The following LAP3 variants were observed in gnomAD, a reference collection of about 807,000 sequenced individuals.
LAP3 encodes cytosol aminopeptidase.
A neutral mutation model predicts 58.8 loss-of-function variants in LAP3; 46 were observed. The observed-to-expected ratio is 0.78, with a 90% CI of 0.62 to 1.00. The LOEUF (loss-of-function observed/expected upper bound fraction) is 1.00. Ranked by LOEUF, LAP3 falls within the 50% of genes least tolerant of loss-of-function variation. The pLI is 0.00. For missense variants in LAP3, 615 were observed against 659.1 expected (o/e 0.93, Z 0.73); for synonymous variants, 257 against 237.7 (o/e 1.08, Z -0.75).
chr4:17,579,839 A>G lies in LAP3; in HGVS notation c.118A>G (p.Ile40Val). 2 of 1,606,442 alleles carry G rather than the reference A, an allele frequency of 1.2e-6. No homozygotes were observed. The highest frequency in any genetic ancestry group is 1.7e-5 in the Admixed American group (1 of 59,498). Residue 40 changes from isoleucine (I) to valine (V), a missense_variant, in exon 2 of 13, where the codon ATC (isoleucine) becomes GTC (valine). Coordinates refer to ENST00000226299, the MANE Select transcript of LAP3 (RefSeq NM_015907.3). The stretch of plus-strand genomic sequence containing the variant: ...TTATTCCCAGGGCCTTGTTTTAGGA[A>G]TCTATTCCAAAGAAAAAGAAGATGA... ...ADMTKGLVLG[I>V]YSKEKEDDVP...
chr4:17,588,914 A>G lies in LAP3; in HGVS notation c.800A>G (p.Lys267Arg), dbSNP rs1713602092. The G allele has an allele frequency of 1.2e-6, 2 of 1,614,140 alleles. No homozygotes were observed. The highest frequency in any genetic ancestry group is 1.7e-6 in the Non-Finnish European group (2 of 1,180,044). Reference protein sequence around the residue: ...EPPVFLEIHYKGSPNANEPPL... With the variant: ...EPPVFLEIHYRGSPNANEPPL... ...CCAGTCTTCTTGGAAATTCACTACA[A>G]AGGCAGCCCCAATGCAAACGAACCA... is the stretch of plus-strand genomic sequence containing the variant. Residue 267 changes from lysine (K) to arginine (R), a missense_variant, in exon 7 of 13, where the codon AAA becomes AGA. Lys to Arg is a conservative substitution (Grantham distance 26, BLOSUM62 2). Transcript: ENST00000226299.
intron 6 of LAP3, among the ~76,000 whole-genome samples, chr4:17,587,225 A>G (rs968372782): frequency 1.3e-5 from 2 of 152,214 alleles, no homozygotes; most frequent in Admixed American, 1.3e-4. Flanking sequence ...CAAAGGGAAA[A>G]GAGTTCAGCA....
rs886796255 is a variant in LAP3 at position 17,577,538 on chromosome 4, C to G, written c.73C>G (p.Arg25Gly). The G allele has an allele frequency of 1.5e-5, 23 of 1,573,390 alleles. No homozygotes were observed. The highest frequency in any genetic ancestry group is 4.2e-4 in the Middle Eastern group (2 of 4,782). Reference protein sequence around the residue: ...RRLAVRRFGSRSLSTADMTKG... With the variant: ...RRLAVRRFGSGSLSTADMTKG... ...TCTGGCCGTGAGACGTTTCGGGAGC[C>G]GGAGTCTCTCCACCGCAGACATGAC... The change falls in exon 1 of 13, where the codon CGG becomes GGG. Residue 25 changes from arginine (R) to glycine (G), a missense_variant. Transcript: ENST00000226299.
chr4:17,605,959 AT>A (rs1024356107), intron 11 of LAP3, among the ~76,000 whole-genome samples: 1 of 152,010 alleles, frequency 6.6e-6, no homozygotes, highest in Non-Finnish European at 1.5e-5. Flanking sequence ...CTGCTTCTTG[AT>A]TTTTCACTTT....
chr4:17,605,033 G>T (rs571735645), intron 11 of LAP3, among the ~76,000 whole-genome samples: 1 of 151,958 alleles, frequency 6.6e-6, no homozygotes, highest in African/African-American at 2.4e-5. Context: ...ACCCTGCATC[G>T]ATGAGGATGT....
At position 17,607,585 on chromosome 4, in the gene LAP3, C is replaced by T; in HGVS notation, c.1556C>T (p.Ala519Val). Residue 519 changes from alanine (A) to valine (V), a missense_variant, in exon 13 of 13, where the codon GCT becomes GTT. Transcript: ENST00000226299. The stretch of plus-strand genomic sequence containing the variant: ...TTACTTCGTTTCAGTCAAGACAATG[C>T]TTAGTTCAGATACTCAAAAATGTCT... ...EFLLRFSQDN[A>V] 1 of 1,608,674 alleles carries T rather than the reference C, an allele frequency of 6.2e-7. No homozygotes were observed. Among genetic ancestry groups the T allele is most frequent in the Non-Finnish European group, 8.5e-7 (1 of 1,178,008 alleles).
chr4:17,588,706 T>A (rs1225930357), intron 6 of LAP3, 113 bp from the exon 7 acceptor site: 2 of 963,748 alleles, frequency 2.1e-6, no homozygotes, highest in Non-Finnish European at 3.0e-6. Context: ...TTAATGTGCG[T>A]ATACTTTAAG....
intron 9 of LAP3, among the ~76,000 whole-genome samples, chr4:17,597,797 G>A (rs977301012): frequency 1.3e-5 from 2 of 152,136 alleles, no homozygotes; most frequent in Admixed American, 6.5e-5. Flanking sequence ...AGGTGTTGAG[G>A]TAGAACATAC....
intron 2 of LAP3, 98 bp from the exon 3 acceptor site, chr4:17,581,658 CAGTT>C: frequency 1.3e-6 from 1 of 758,612 alleles, no homozygotes; most frequent in East Asian, 2.6e-5. Context: ...ACCATGGAAG[CAGTT>C]AGCAGAATAG....
At chr4:17,580,978 G>C (rs1713347512) in intron 2 of LAP3, among the ~76,000 whole-genome samples, 1 of 152,156 alleles carries the variant, frequency 6.6e-6, no homozygotes, top group Non-Finnish European at 1.5e-5. Flanking sequence ...TTTTTTATCA[G>C]TTCTTGTAGT....
chr4:17,604,602 G>T lies in LAP3; in HGVS notation c.1195G>T (p.Ala399Ser). The change falls in exon 11 of 13, where the codon GCT becomes TCT. Residue 399 changes from alanine (A) to serine (S), a missense_variant. Ala to Ser is a moderately conservative substitution (Grantham distance 99, BLOSUM62 1). Transcript: ENST00000226299. ...AATLTGAMDV[A>S]LGSGATGVFT... ...GTGTCTTACAGGTGCCATGGATGTAGCTTTGGGATCAGGTGCCACTGGGGT... is the reference window on the plus strand; with the variant it reads ...GTGTCTTACAGGTGCCATGGATGTATCTTTGGGATCAGGTGCCACTGGGGT... 6.2e-7 allele frequency: 1 copy of T among 1,614,064 alleles called. No homozygotes were observed. Among genetic ancestry groups the T allele is most frequent in the Non-Finnish European group, 8.5e-7 (1 of 1,179,940 alleles).
chr4:17,595,607 TATG>T (rs1254688173), intron 8 of LAP3, 73 bp downstream of exon 8: 1 of 1,482,086 alleles, frequency 6.7e-7, no homozygotes, highest in East Asian at 2.3e-5. Context: ...AGACAACAGA[TATG>T]ATTTCCCCTA....
intron 1 of LAP3, among the ~76,000 whole-genome samples, chr4:17,578,371 C>T (rs114838597): frequency 0.016 from 2,361 of 152,254 alleles, 34 homozygotes; most frequent in Non-Finnish European, 0.025. Context: ...TCCATTGATT[C>T]CCGGGGAGTG....
chr4:17,594,778 C>G (rs550048623), intron 7 of LAP3, among the ~76,000 whole-genome samples: 2 of 152,166 alleles, frequency 1.3e-5, no homozygotes, highest in Non-Finnish European at 2.9e-5. Context: ...TCTGTCCTGT[C>G]GGTTTCAGAG....
At chr4:17,602,396 T>C (rs753836451) in intron 10 of LAP3, among the ~76,000 whole-genome samples, 4 of 152,216 alleles carry the variant, frequency 2.6e-5, no homozygotes, top group Non-Finnish European at 4.4e-5. Flanking sequence ...TACCTGATTG[T>C]CTCTTCTCAA....
At chr4:17,580,426 C>G (rs1713328849) in intron 2 of LAP3, among the ~76,000 whole-genome samples, 2 of 151,202 alleles carry the variant, frequency 1.3e-5, no homozygotes, top group Non-Finnish European at 2.9e-5. Flanking sequence ...TTGGTACTTT[C>G]TGTTTCAGTA....
In LAP3 at chr4:17,590,330, G is replaced by A. The variant is rs1006565311; in HGVS notation, c.863+1353G>A. ...TGCCCTTTCTGGAATGCTTCTAGAC[G>A]TAGGAAGCCCCTGTCATTGGCATAG... On this transcript the variant is annotated intron_variant, in intron 7 of 12. Coordinates refer to ENST00000226299, the MANE Select transcript of LAP3 (RefSeq NM_015907.3). Among the ~76,000 whole-genome samples the A allele has an allele frequency of 4.6e-5, 7 of 152,170 alleles. No individual in the cohort carries two copies. In the East Asian group the frequency reaches 7.7e-4, roughly 17 times the overall value.
At chr4:17,585,216 T>A (rs1245728522) in intron 6 of LAP3, 80 bp downstream of exon 6, 9 of 1,180,596 alleles carry the variant, frequency 7.6e-6, no homozygotes, top group Non-Finnish European at 9.9e-6. Flanking sequence ...GCTCCCTCAC[T>A]TTTTAGAGGA....
chr4:17,593,228 CATTTT>C (rs960344568), intron 7 of LAP3, among the ~76,000 whole-genome samples: 2 of 152,104 alleles, frequency 1.3e-5, no homozygotes, highest in African/African-American at 4.8e-5. Context: ...AAATATATTT[CATTTT>C]AAGTGAGTTT....
Sources: allele counts gnomAD v4.1 joint callset (sites outside exome capture counted in the v4.1 genomes callset), GRCh38; gene constraint gnomAD v4.1.1; transcripts MANE v1.5; gene names NCBI Gene and HGNC (gene_info 2026-07-23, HGNC 2026-07-21).